The following ZNF320 variants were observed in gnomAD, a reference collection of about 807,000 sequenced individuals.
ZNF320 encodes zinc finger protein 320.
A neutral mutation model predicts 6.8 loss-of-function variants in ZNF320; 2 were observed. That is an observed-to-expected ratio of 0.29 (90% CI 0.12 to 0.93). The LOEUF (loss-of-function observed/expected upper bound fraction) is 0.93. Ranked by LOEUF, ZNF320 falls within the 40% of genes least tolerant of loss-of-function variation. The pLI, the probability that ZNF320 is intolerant of heterozygous loss-of-function variation, is 0.55. For missense variants in ZNF320, 472 were observed against 611.0 expected (o/e 0.77, Z 2.40); for synonymous variants, 208 against 203.2 (o/e 1.02, Z -0.20).
chr19:52,885,774 C>T (rs905209645), intron 5 of ZNF320, among the ~76,000 whole-genome samples: 3 of 151,798 alleles, frequency 2.0e-5, no homozygotes, highest in Non-Finnish European at 2.9e-5. Context: ...GGTGTGGTGG[C>T]GCATGCCTGT....
rs573503323 is a variant in ZNF320, at chr19:52,865,645, A to T, written c.224-1486T>A. Among the ~76,000 whole-genome samples the T allele has an allele frequency of 3.3e-4, 42 of 128,206 alleles. 2 individuals are homozygous for T. The highest frequency in any genetic ancestry group is 1.2e-3 in the African/African-American group (39 of 31,240). 84.1% of individuals were successfully genotyped at this position (128,206 alleles called of 152,430 possible). On this transcript the variant is annotated intron_variant, in intron 5 of 5. Transcript: ENST00000673631. ...TATTTATATATGATTATACATATAT[A>T]TTTATATATGATTATACATATATAT...
chr19:52,865,622 TTTA>T (rs1568693127), intron 5 of ZNF320, among the ~76,000 whole-genome samples: 1 of 83,898 alleles, frequency 1.2e-5, no homozygotes, highest in East Asian at 3.1e-4. Flanking sequence ...TACATATATA[TTTA>T]TATATGATTA....
chr19:52,899,416 C>T (rs1004229386), upstream of ZNF320, among the ~76,000 whole-genome samples: 1 of 152,164 alleles, frequency 6.6e-6, no homozygotes, highest in African/African-American at 2.4e-5. Context: ...ACTTTTCCTT[C>T]AGCTGCTAGC....
upstream of ZNF320, among the ~76,000 whole-genome samples, chr19:52,901,141 T>C (rs1195380842): frequency 6.6e-6 from 1 of 152,164 alleles, no homozygotes; most frequent in Non-Finnish European, 1.5e-5. Context: ...ATAACACACA[T>C]CAGGTTGGTT....
chr19:52,883,565 A>G (rs2063986838), intron 5 of ZNF320: 1 of 453,464 alleles, frequency 2.2e-6, no homozygotes, highest in Non-Finnish European at 4.4e-6. Flanking sequence ...CTACCTTCTG[A>G]AGTATGAGGT....
chr19:52,866,869 CAAAAA>C (rs58231328), intron 5 of ZNF320, among the ~76,000 whole-genome samples: 1,341 of 108,912 alleles, frequency 0.012, 11 homozygotes, highest in African/African-American at 0.037. Context: ...ACAAAACATA[CAAAAA>C]AAAAAAAAAA....
In ZNF320 at chr19:52,881,808, T is replaced by C. The variant is rs2063930935; in HGVS notation, c.318A>G (p.Thr106=). ...CTGTCATGGGTGCTTCATGGTCATTTGTTTCATCTTCTTGCCACTGAAACA... is the reference window on the plus strand; with the variant it reads ...CTGTCATGGGTGCTTCATGGTCATTCGTTTCATCTTCTTGCCACTGAAACA... ...DFVFQWQEDE[T]NDHEAPMTEI... is the part of the protein sequence containing the mutation. Residue 106 remains threonine, a synonymous_variant, in exon 6 of 6, where the codon ACA becomes ACG. Transcript: ENST00000682928. 2 of 1,613,900 alleles carry C rather than the reference T, an allele frequency of 1.2e-6. No homozygotes were observed. The highest frequency in any genetic ancestry group is 1.7e-6 in the Non-Finnish European group (2 of 1,179,842).
rs368552008 is a variant in ZNF320 at position 52,881,565 on chromosome 19, T to C, written c.561A>G (p.Lys187=). Residue 187 remains lysine, a synonymous_variant, in exon 6 of 6, where the codon AAA becomes AAG. Transcript: ENST00000682928. ...TGTCGCAAACCTTACATTTGTATGGTTTCTCTCCAGTATGAATTATCCTAT... is the reference window on the plus strand; with the variant it reads ...TGTCGCAAACCTTACATTTGTATGGCTTCTCTCCAGTATGAATTATCCTAT... The part of the protein sequence containing the change: ...EIHRIIHTGE[K]PYKCKVCDKA... 6.2e-7 allele frequency: 1 copy of C among 1,613,932 alleles called. No homozygotes were observed. The highest frequency in any genetic ancestry group is 1.3e-5 in the African/African-American group (1 of 74,918).
chr19:52,861,749 T>G, exon 6 of ZNF320: 1 of 332,574 alleles, frequency 3.0e-6, no homozygotes, highest in South Asian at 3.2e-5. Flanking sequence ...GCTATACTCA[T>G]TGCCTGTGCA....
intron 3 of ZNF320, among the ~76,000 whole-genome samples, chr19:52,890,787 A>T (rs2064263619): frequency 6.6e-6 from 1 of 152,234 alleles, no homozygotes; most frequent in East Asian, 1.9e-4. Flanking sequence ...AGCTGAGATG[A>T]GAGGATCACT....
chr19:52,897,065 AC>A (rs1020763869), intron 1 of ZNF320, among the ~76,000 whole-genome samples: 2 of 152,070 alleles, frequency 1.3e-5, no homozygotes, highest in Non-Finnish European at 2.9e-5. Flanking sequence ...AAATACTTTA[AC>A]CCCCTAAAAC....
At chr19:52,862,196 T>C (rs1257696741) in exon 6 of ZNF320, 2 of 473,982 alleles carry the variant, frequency 4.2e-6, no homozygotes, top group Non-Finnish European at 4.2e-6. Context: ...CCCTACACCA[T>C]GGATTGCCTG....
chr19:52,869,537 GGTT>G (rs1053026987), intron 5 of ZNF320, among the ~76,000 whole-genome samples: 5 of 151,882 alleles, frequency 3.3e-5, no homozygotes, highest in African/African-American at 1.2e-4. Context: ...AATAATGACA[GGTT>G]TTTTTTCTTT....
chr19:52,881,399 T>C lies in ZNF320; in HGVS notation c.727A>G (p.Lys243Glu). 2 of 1,614,110 alleles carry C rather than the reference T, an allele frequency of 1.2e-6. No homozygotes were observed. The highest frequency in any genetic ancestry group is 1.7e-6 in the Non-Finnish European group (2 of 1,180,014). The change falls in exon 6 of 6, where the codon AAA becomes GAA. Residue 243 changes from lysine (K) to glutamate (E), a missense_variant. Physicochemically the swap from Lys to Glu is moderately conservative, Grantham distance 56 (BLOSUM62 1). Around this residue, in one of 2 missense-constraint regions of ZNF320, gnomAD observed 462 missense variants for 559.7 expected, o/e 0.83. Coordinates refer to ENST00000682928, the MANE Select transcript of ZNF320 (RefSeq NM_001351774.2). The stretch of plus-strand genomic sequence containing the variant: ...CCACACTCATTACACTTATAAGGTT[T>C]CTCTCCAGTATGACTTCTATGATGA... ...ACHHRSHTGE[K>E]PYKCNECGKT...
chr19:52,864,799 G>A (rs1226142434), intron 5 of ZNF320, among the ~76,000 whole-genome samples: 1 of 150,478 alleles, frequency 6.6e-6, no homozygotes, highest in African/African-American at 2.5e-5. Context: ...AGATCATGAT[G>A]TCAGGAGATC....
chr19:52,867,765 C>T (rs7250666), intron 5 of ZNF320, among the ~76,000 whole-genome samples: 32,688 of 151,950 alleles, frequency 0.22, 3,639 homozygotes, highest in African/African-American at 0.23. Context: ...GCATGTGCCA[C>T]CACACCCAGC....
At chr19:52,893,307 T>C (rs982114291) in intron 2 of ZNF320, 2 of 151,906 alleles carry the variant, frequency 1.3e-5, no homozygotes, top group African/African-American at 2.4e-5. Flanking sequence ...ATAATAATAA[T>C]AACAATAATA....
chr19:52,862,362 C>A (rs2063491097), exon 6 of ZNF320: 2 of 513,168 alleles, frequency 3.9e-6, no homozygotes, highest in Non-Finnish European at 8.0e-6. Context: ...TGGTTTCTCT[C>A]CAGTATGAAT....
At position 52,886,965 on chromosome 19, in the gene ZNF320, GAAAA is replaced by G. The variant is rs199600918; in HGVS notation, c.142+1158_142+1161del. On this transcript the variant is annotated intron_variant, in intron 5 of 5. Coordinates refer to ENST00000682928, the MANE Select transcript of ZNF320 (RefSeq NM_001351774.2). ...AGAAAGAAAAGAAGAAAGAAAGAAA[GAAAA>G]GAAAGAAAGAAGGAAGGAAGGAAGG... Among the ~76,000 whole-genome samples, 676 of 100,810 alleles carry G rather than the reference GAAAA, an allele frequency of 6.7e-3. 13 individuals are homozygous for G. Among genetic ancestry groups the G allele is most frequent in the East Asian group, 0.061 (242 of 3,986 alleles). The allele number at this position is 100,810 out of a possible 152,430, so 66.1% of individuals were successfully genotyped here.
Sources: gnomAD v4.1 joint callset for allele counts (sites outside exome capture counted in the v4.1 genomes callset) on GRCh38, gnomAD v4.1.1 for gene constraint, gnomAD v4.1.1 regional missense constraint, MANE v1.5 for transcripts, NCBI Gene and HGNC (gene_info 2026-07-23, HGNC 2026-07-21) for gene names.